The following ASIC2 variants were observed in gnomAD, a reference collection of about 807,000 sequenced individuals.
The protein encoded by ASIC2 is acid sensing ion channel subunit 2, also known as acid-sensing ion channel 2.
Under a neutral mutation model 57.3 loss-of-function variants are expected in ASIC2, and 25 were observed. The observed-to-expected ratio is 0.44, with a 90% confidence interval of 0.32 to 0.61. The LOEUF (loss-of-function observed/expected upper bound fraction) is 0.61. Among genes scored for constraint, ASIC2 ranks in the 20% least tolerant of loss-of-function variants. ASIC2 has a pLI of 0.06. For synonymous variants in ASIC2, 319 were observed against 307.5 expected, an observed-to-expected ratio of 1.04 and a Z score of -0.39; for missense variants, 641 against 738.1, an observed-to-expected ratio of 0.87 and a Z score of 1.52.
At chr17:33,936,619 G>A (rs1205177274) in intron 1 of ASIC2, 2 of 152,258 alleles carry the variant, frequency 1.3e-5, no homozygotes, top group Admixed American at 6.5e-5. Context: ...GTGGAGAACT[G>A]AATTTCAGAA....
At chr17:33,929,034 C>T (rs1915878369) in intron 1 of ASIC2, among the ~76,000 whole-genome samples, 1 of 152,102 alleles carries the variant, frequency 6.6e-6, no homozygotes, top group Non-Finnish European at 1.5e-5. Flanking sequence ...CATGCTTTTA[C>T]TCAAACCAGA....
intron 1 of ASIC2, among the ~76,000 whole-genome samples, chr17:33,978,172 G>C (rs1057070293): frequency 5.3e-5 from 8 of 152,214 alleles, no homozygotes; most frequent in African/African-American, 1.9e-4. Context: ...TTCTCCACTG[G>C]ATGGTAAACC....
At chr17:34,149,204 T>TAAGCTAACCTCCCACTTC in intron 1 of ASIC2, among the ~76,000 whole-genome samples, 1 of 151,924 alleles carries the variant, frequency 6.6e-6, no homozygotes, top group African/African-American at 2.4e-5. Flanking sequence ...CCTTCCAGTT[T>TAAGCTAACCTCCCACTTC]TAAGCTAACC....
At chr17:33,212,073 T>TC (rs1907295952) in intron 1 of ASIC2, among the ~76,000 whole-genome samples, 1 of 152,192 alleles carries the variant, frequency 6.6e-6, no homozygotes, top group South Asian at 2.1e-4. Flanking sequence ...AGGATGGGAC[T>TC]CCCTGTCTGT....
intron 1 of ASIC2, among the ~76,000 whole-genome samples, chr17:33,663,818 C>CCT (rs1907380821): frequency 6.6e-6 from 1 of 152,140 alleles, no homozygotes; most frequent in African/African-American, 2.4e-5. Flanking sequence ...CACTCCACTG[C>CCT]CTGCTCTCAT....
At chr17:34,075,177 T>C (rs918907685) in intron 1 of ASIC2, among the ~76,000 whole-genome samples, 4 of 152,320 alleles carry the variant, frequency 2.6e-5, no homozygotes, top group African/African-American at 9.6e-5. Context: ...CAGAGCTTCA[T>C]AGGCTCGGTG....
intron 1 of ASIC2, among the ~76,000 whole-genome samples, chr17:33,789,464 T>TCTCTCACA (rs145766933): frequency 9.7e-5 from 14 of 144,514 alleles, no homozygotes; most frequent in African/African-American, 1.3e-4. Flanking sequence ...AGAATCATGG[T>TCTCTCACA]CACACACACA....
At chr17:33,603,456 A>G (rs571619339) in intron 1 of ASIC2, among the ~76,000 whole-genome samples, 1 of 152,338 alleles carries the variant, frequency 6.6e-6, no homozygotes, top group Non-Finnish European at 1.5e-5. Flanking sequence ...TTTTTGGATC[A>G]TGGCCTGATA....
chr17:33,283,646 T>C (rs1335273134), intron 1 of ASIC2, among the ~76,000 whole-genome samples: 1 of 152,048 alleles, frequency 6.6e-6, no homozygotes, highest in Non-Finnish European at 1.5e-5. Flanking sequence ...GAAGCAAAGG[T>C]ATATGGGGCC....
intron 1 of ASIC2, among the ~76,000 whole-genome samples, chr17:34,029,912 C>T (rs1597982007): frequency 6.6e-6 from 1 of 152,200 alleles, no homozygotes; most frequent in Non-Finnish European, 1.5e-5. Context: ...TTGATCACCC[C>T]ATTTTCAAGA....
At chr17:33,288,023 T>C (rs1905264691) in intron 1 of ASIC2, among the ~76,000 whole-genome samples, 1 of 152,172 alleles carries the variant, frequency 6.6e-6, no homozygotes, top group Non-Finnish European at 1.5e-5. Flanking sequence ...GATGGAGGTA[T>C]GCATTCCCCA....
intron 1 of ASIC2, among the ~76,000 whole-genome samples, chr17:33,607,522 T>G (rs542221342): frequency 1.3e-4 from 20 of 152,170 alleles, no homozygotes; most frequent in Non-Finnish European, 2.1e-4. Flanking sequence ...TTTCGAAAGC[T>G]GTTTGCTCTT....
intron 1 of ASIC2, among the ~76,000 whole-genome samples, chr17:33,825,158 C>A (rs1179003981): frequency 6.6e-6 from 1 of 152,136 alleles, no homozygotes; most frequent in Non-Finnish European, 1.5e-5. Context: ...TTGTCACTTC[C>A]CAACTGCATA....
At chr17:34,105,213 T>A (rs1026259195) in intron 1 of ASIC2, among the ~76,000 whole-genome samples, 3 of 152,066 alleles carry the variant, frequency 2.0e-5, no homozygotes, top group African/African-American at 7.2e-5. Context: ...TCATTTCATC[T>A]GAATTGTAGC....
At chr17:33,066,233 G>C (rs926788778) in intron 3 of ASIC2, among the ~76,000 whole-genome samples, 5 of 152,222 alleles carry the variant, frequency 3.3e-5, no homozygotes, top group African/African-American at 1.2e-4. Flanking sequence ...AGGGCTGAGA[G>C]AGAACAACTT....
intron 1 of ASIC2, among the ~76,000 whole-genome samples, chr17:34,032,881 C>G (rs985667738): frequency 9.9e-5 from 15 of 152,138 alleles, no homozygotes; most frequent in Admixed American, 1.3e-4. Context: ...TAATGACCTA[C>G]AAAAAGACTT....
At chr17:34,098,794 G>A (rs1211937693) in intron 1 of ASIC2, among the ~76,000 whole-genome samples, 7 of 152,092 alleles carry the variant, frequency 4.6e-5, no homozygotes, top group Non-Finnish European at 1.0e-4. Flanking sequence ...TTTCTCTTAT[G>A]AAACCTCTAC....
At chr17:34,099,389 AG>A (rs1910722315) in intron 1 of ASIC2, among the ~76,000 whole-genome samples, 1 of 147,224 alleles carries the variant, frequency 6.8e-6, no homozygotes, top group East Asian at 2.0e-4. Context: ...AAAGAGAAAG[AG>A]GAAAAAAGAG....
intron 1 of ASIC2, among the ~76,000 whole-genome samples, chr17:33,772,827 C>G (rs1306790619): frequency 6.6e-6 from 1 of 152,190 alleles, no homozygotes; most frequent in African/African-American, 2.4e-5. Context: ...AGCTTGGCCA[C>G]TTACTGGCTG....
Sources: allele counts gnomAD v4.1 joint callset (sites outside exome capture counted in the v4.1 genomes callset), GRCh38; gene constraint gnomAD v4.1.1; transcripts MANE v1.5; gene names NCBI Gene and HGNC (gene_info 2026-07-23, HGNC 2026-07-21).